Variants in SCLT1 observed in about 807,000 individuals in gnomAD.
SCLT1 encodes sodium channel and clathrin linker 1, also known as sodium channel-associated protein 1.
In SCLT1, 78 loss-of-function variants were observed where a neutral mutation model predicts 112.8. The observed-to-expected ratio is 0.69, with a 90% CI of 0.58 to 0.83. The LOEUF (loss-of-function observed/expected upper bound fraction) is 0.83. Among genes scored for constraint, SCLT1 ranks in the 40% least tolerant of loss-of-function variants. The probability of loss-of-function intolerance (pLI) is 0.00; values close to 1 mark genes in which losing one functional copy is unlikely to be tolerated. For synonymous variants in SCLT1, 257 were observed against 254.7 expected (o/e 1.01, Z -0.09); for missense variants, 747 against 770.4 (o/e 0.97, Z 0.36).
chr4:129,093,160 A>G lies in SCLT1; in HGVS notation c.-57T>C. On this transcript the variant is annotated 5_prime_UTR_variant, in exon 1 of 21. Transcript: ENST00000281142. Reference sequence around the variant, plus strand: ...ACCTTTACCTTCCTCTGAAAGACAGAGAGCTTGCTGTGCGGGAAAACAAAA... The same window carrying G: ...ACCTTTACCTTCCTCTGAAAGACAGGGAGCTTGCTGTGCGGGAAAACAAAA... 1.3e-6 allele frequency: 2 copies of G among 1,553,762 alleles called. No homozygotes were observed. The highest frequency in any genetic ancestry group is 1.8e-6 in the Non-Finnish European group (2 of 1,125,636).
At chr4:128,915,822 A>G (rs1735429830) in intron 18 of SCLT1, among the ~76,000 whole-genome samples, 1 of 152,254 alleles carries the variant, frequency 6.6e-6, no homozygotes, top group Non-Finnish European at 1.5e-5. Context: ...AACAAACTTT[A>G]TGGAGCTGAT....
chr4:128,952,275 C>T (rs1738823310), intron 14 of SCLT1: 1 of 452,842 alleles, frequency 2.2e-6, no homozygotes, highest in Non-Finnish European at 4.4e-6. Context: ...CTTTTATTCT[C>T]CTATAAGCAA....
At chr4:128,988,477 T>C (rs1742286586) in intron 9 of SCLT1, among the ~76,000 whole-genome samples, 1 of 151,628 alleles carries the variant, frequency 6.6e-6, no homozygotes, top group Admixed American at 6.6e-5. Flanking sequence ...CAAAAACCTA[T>C]AATAGATACA....
chr4:128,902,410 G>C (rs1345659281), intron 18 of SCLT1, among the ~76,000 whole-genome samples: 1 of 152,162 alleles, frequency 6.6e-6, no homozygotes, highest in African/African-American at 2.4e-5. Context: ...AATATTAATA[G>C]TATAGCCTAC....
chr4:129,021,772 A>G (rs906017620), intron 5 of SCLT1, among the ~76,000 whole-genome samples: 1 of 152,232 alleles, frequency 6.6e-6, no homozygotes. Context: ...TGAAGAAAGC[A>G]GCTGATCCTG....
chr4:128,970,711 T>C (rs1740619438), intron 9 of SCLT1: 1 of 372,596 alleles, frequency 2.7e-6, no homozygotes, highest in East Asian at 5.1e-5. Flanking sequence ...TGTACTTGGG[T>C]AAATTATATT....
At chr4:128,918,499 G>C (rs1579373352) in intron 18 of SCLT1, among the ~76,000 whole-genome samples, 1 of 152,264 alleles carries the variant, frequency 6.6e-6, no homozygotes, top group African/African-American at 2.4e-5. Context: ...AAAAACAACA[G>C]AGAAGAATGA....
At chr4:128,890,974 A>G in intron 19 of SCLT1, 85 bp downstream of exon 19, 1 of 857,616 alleles carries the variant, frequency 1.2e-6, no homozygotes, top group Non-Finnish European at 1.9e-6. Flanking sequence ...GTAGAGAAAT[A>G]ATTTGGATTT....
At chr4:128,955,898 T>A (rs1459449071) in intron 13 of SCLT1, among the ~76,000 whole-genome samples, 1 of 152,150 alleles carries the variant, frequency 6.6e-6, no homozygotes, top group Non-Finnish European at 1.5e-5. Context: ...ACACAGGAAG[T>A]GCTCAATAAA....
chr4:128,939,769 T>C (rs1222492423), intron 17 of SCLT1, among the ~76,000 whole-genome samples: 2 of 152,194 alleles, frequency 1.3e-5, no homozygotes, highest in African/African-American at 4.8e-5. Flanking sequence ...TTGTTAAGGT[T>C]TGTAGCCAAC....
chr4:128,915,165 T>C (rs901977700), intron 18 of SCLT1, among the ~76,000 whole-genome samples: 2 of 152,236 alleles, frequency 1.3e-5, no homozygotes, highest in African/African-American at 2.4e-5. Flanking sequence ...CAAATAGTTA[T>C]GTTCATATAT....
chr4:129,037,727 G>A (rs1747307815), intron 5 of SCLT1: 1 of 152,130 alleles, frequency 6.6e-6, no homozygotes, highest in Non-Finnish European at 1.5e-5. Context: ...TTACTGTGTT[G>A]AGACTGACCA....
intron 4 of SCLT1, chr4:128,876,481 C>T (rs1732523173): frequency 6.6e-6 from 1 of 152,152 alleles, no homozygotes; most frequent in African/African-American, 2.4e-5. Context: ...TGTTTTCACC[C>T]AAATCACTGA....
chr4:128,912,158 A>T (rs753167921), intron 18 of SCLT1, among the ~76,000 whole-genome samples: 2 of 152,190 alleles, frequency 1.3e-5, no homozygotes, highest in Non-Finnish European at 2.9e-5. Context: ...CAAACAAGCC[A>T]TTTACTTTTA....
At chr4:128,998,286 T>C (rs545864727) in intron 7 of SCLT1, among the ~76,000 whole-genome samples, 2 of 151,952 alleles carry the variant, frequency 1.3e-5, no homozygotes, top group Non-Finnish European at 3.0e-5. Context: ...TTGTCCAATA[T>C]TGGAACGTCA....
chr4:129,002,852 C>T (rs1397877802), intron 6 of SCLT1, among the ~76,000 whole-genome samples: 5 of 152,112 alleles, frequency 3.3e-5, no homozygotes, highest in Admixed American at 3.3e-4. Flanking sequence ...TAAATTAGCT[C>T]AACCATTGTG....
At chr4:128,958,946 T>C (rs1739444222) in intron 12 of SCLT1, among the ~76,000 whole-genome samples, 1 of 152,206 alleles carries the variant, frequency 6.6e-6, no homozygotes, top group Non-Finnish European at 1.5e-5. Context: ...ACCCGTATTC[T>C]GCATATACTA....
chr4:128,882,496 C>T (rs561590474), downstream of SCLT1, among the ~76,000 whole-genome samples: 5 of 152,258 alleles, frequency 3.3e-5, no homozygotes, highest in Admixed American at 2.0e-4. Flanking sequence ...TTAATGACAT[C>T]TTTGTGAGTT....
intron 9 of SCLT1, chr4:128,971,279 A>C (rs944305678): frequency 6.6e-6 from 1 of 152,214 alleles, no homozygotes; most frequent in African/African-American, 2.4e-5. Flanking sequence ...ATCTAAATGT[A>C]AATCATATTT....
Sources: allele counts gnomAD v4.1 joint callset (sites outside exome capture counted in the v4.1 genomes callset), GRCh38; gene constraint gnomAD v4.1.1; transcripts MANE v1.5; gene names NCBI Gene and HGNC (gene_info 2026-07-23, HGNC 2026-07-21).